Variants in CFAP52 observed in about 807,000 individuals in gnomAD.
CFAP52 encodes the protein cilia- and flagella-associated protein 52.
CFAP52 carries 57 observed loss-of-function variants against 70.5 expected under a neutral mutation model. The observed-to-expected ratio is 0.81, with a 90% CI of 0.65 to 1.01. CFAP52 has a LOEUF of 1.01. Among genes scored for constraint, CFAP52 ranks in the 50% least tolerant of loss-of-function variants. The pLI, the probability that CFAP52 is intolerant of heterozygous loss-of-function variation, is 0.00. For missense variants in CFAP52, 785 were observed against 788.5 expected, an observed-to-expected ratio of 1.00 and a Z score of 0.05; for synonymous variants, 267 against 292.5, an observed-to-expected ratio of 0.91 and a Z score of 0.89.
intron 3 of CFAP52, among the ~76,000 whole-genome samples, chr17:9,591,402 T>C (rs1473352246): frequency 1.3e-5 from 2 of 152,178 alleles, no homozygotes; most frequent in Non-Finnish European, 2.9e-5. Context: ...CATCATGGTA[T>C]TCATGTTGTA....
chr17:9,595,974 A>G (rs1226024020), intron 4 of CFAP52, among the ~76,000 whole-genome samples: 1 of 149,470 alleles, frequency 6.7e-6, no homozygotes, highest in African/African-American at 2.4e-5. Context: ...TAAAAAAACA[A>G]AAGAAAAACT....
At chr17:9,588,949 AAAAATT>A (rs1189109606) in intron 3 of CFAP52, among the ~76,000 whole-genome samples, 4 of 152,006 alleles carry the variant, frequency 2.6e-5, no homozygotes, top group Non-Finnish European at 5.9e-5. Context: ...CTAAAAACAC[AAAAATT>A]AGCCAGGCAT....
In CFAP52 at chr17:9,585,917, T is replaced by C; in HGVS notation, c.215T>C (p.Ile72Thr). The C allele has an allele frequency of 6.2e-7, 1 of 1,613,784 alleles. No homozygotes were observed. Among genetic ancestry groups the C allele is most frequent in the South Asian group, 1.1e-5 (1 of 91,072 alleles). Reference protein sequence around the residue: ...GHGNNVSCLAISRSGEYIASG... With the variant: ...GHGNNVSCLATSRSGEYIASG... ...GGCAACAACGTCTCCTGCTTGGCCA[T>C]CTCCAGGTCTGGAGAGTACATCGCC... The change falls in exon 2 of 14, where the codon ATC becomes ACC. Residue 72 changes from isoleucine to threonine, a missense_variant. Physicochemically the swap from Ile to Thr is moderately conservative, Grantham distance 89. Transcript: ENST00000352665.
intron 8 of CFAP52, 61 bp from the exon 9 acceptor site, chr17:9,628,611 C>A: frequency 6.3e-7 from 1 of 1,580,456 alleles, no homozygotes; most frequent in Non-Finnish European, 8.6e-7. Context: ...ATTTTGGTGT[C>A]AAATATGCAT....
intron 3 of CFAP52, 21 bp from the exon 4 acceptor site, chr17:9,594,172 T>C: frequency 1.9e-6 from 3 of 1,545,422 alleles, no homozygotes; most frequent in Non-Finnish European, 2.6e-6. Context: ...TTTTTTTTTT[T>C]GGTCCCTCTT....
Position 9,612,299 on chromosome 17 carries a change from C to A in CFAP52, c.855-10C>A. 6.2e-7 allele frequency: 1 copy of A among 1,612,670 alleles called. No individual in the cohort carries two copies. The highest frequency in any genetic ancestry group is 1.1e-5 in the South Asian group (1 of 90,944). On this transcript the variant is annotated splice_polypyrimidine_tract_variant and intron_variant, in intron 7 of 13. Transcript: ENST00000352665. ...GTGAATCTACTTTACTTTTGTGCTTCTCCCTAAAGGAAGATTCAGTTACAA... is the reference window on the plus strand; with the variant it reads ...GTGAATCTACTTTACTTTTGTGCTTATCCCTAAAGGAAGATTCAGTTACAA...
Position 9,600,092 on chromosome 17 carries a change from A to G in CFAP52, c.662A>G (p.Tyr221Cys), listed in dbSNP as rs1909199213. ...IGVDDDDSFFYLGTTTGDILK... is the reference protein window; with the variant it reads ...IGVDDDDSFFCLGTTTGDILK... The stretch of plus-strand genomic sequence containing the variant: ...GTGGATGATGATGATAGCTTTTTCT[A>G]CCTTGGCACCACGACTGGAGATATT... The change falls in exon 6 of 14, where the codon TAC (tyrosine) becomes TGC (cysteine). Residue 221 changes from tyrosine (Y) to cysteine (C), a missense_variant. Physicochemically the swap from Tyr to Cys is radical, Grantham distance 194. Coordinates refer to ENST00000352665, the MANE Select transcript of CFAP52 (RefSeq NM_145054.5). 3 of 1,613,626 alleles carry G rather than the reference A, an allele frequency of 1.9e-6. No individual in the cohort carries two copies. The highest frequency in any genetic ancestry group is 2.5e-6 in the Non-Finnish European group (3 of 1,179,782).
chr17:9,596,745 T>A (rs1423007626), intron 4 of CFAP52, among the ~76,000 whole-genome samples: 1 of 151,798 alleles, frequency 6.6e-6, no homozygotes, highest in East Asian at 1.9e-4. Context: ...GATGGAGTTT[T>A]GCTCTTGTTG....
intron 6 of CFAP52, among the ~76,000 whole-genome samples, chr17:9,601,629 G>C (rs1297165835): frequency 1.4e-4 from 21 of 152,140 alleles, no homozygotes; most frequent in Admixed American, 1.4e-3. Context: ...TCGTGAGCAA[G>C]ACCTAGAAAT....
At chr17:9,638,814 C>A in intron 12 of CFAP52, 103 bp downstream of exon 12, 1 of 1,085,702 alleles carries the variant, frequency 9.2e-7, no homozygotes, top group Non-Finnish European at 1.4e-6. Flanking sequence ...ACCTTGTTTC[C>A]AATGGTGGTC....
At chr17:9,628,486 G>A (rs755094177) in intron 8 of CFAP52, among the ~76,000 whole-genome samples, 186 bp from the exon 9 acceptor site, 4 of 152,006 alleles carry the variant, frequency 2.6e-5, no homozygotes, top group Admixed American at 1.3e-4. Flanking sequence ...CACCATGTTG[G>A]TCAGGCTGGT....
intron 3 of CFAP52, chr17:9,590,150 T>C: frequency 5.1e-6 from 1 of 195,294 alleles, no homozygotes; most frequent in African/African-American, 2.3e-5. Context: ...TGATCAATCT[T>C]CTTCGATCCA....
At chr17:9,631,057 A>C (rs1253338459) in intron 9 of CFAP52, among the ~76,000 whole-genome samples, 1 of 110,274 alleles carries the variant, frequency 9.1e-6, no homozygotes, top group East Asian at 3.8e-4. Flanking sequence ...AGAGAGAGAA[A>C]GAAAGAAAGA....
chr17:9,636,443 A>G (rs936526780), intron 11 of CFAP52, among the ~76,000 whole-genome samples: 3 of 152,128 alleles, frequency 2.0e-5, no homozygotes, highest in African/African-American at 7.2e-5. Flanking sequence ...ACTAACTTCA[A>G]ACTAACTAGA....
chr17:9,607,776 G>C (rs1029052115), intron 6 of CFAP52, among the ~76,000 whole-genome samples: 2 of 152,074 alleles, frequency 1.3e-5, no homozygotes, highest in Non-Finnish European at 2.9e-5. Context: ...TGGTTTTAGG[G>C]AGGAAGGATG....
At chr17:9,613,289 A>T (rs1909782732) in intron 8 of CFAP52, among the ~76,000 whole-genome samples, 1 of 151,338 alleles carries the variant, frequency 6.6e-6, no homozygotes. Flanking sequence ...AATAACTACC[A>T]GCAGTTTTGA....
chr17:9,585,641 C>A, intron 1 of CFAP52, 132 bp from the exon 2 acceptor site: 1 of 912,868 alleles, frequency 1.1e-6, no homozygotes, highest in East Asian at 2.4e-5. Flanking sequence ...CATTGCACCC[C>A]AGGCTGGGTG....
chr17:9,630,139 C>T (rs1275783302), intron 9 of CFAP52, among the ~76,000 whole-genome samples: 3 of 151,858 alleles, frequency 2.0e-5, no homozygotes, highest in African/African-American at 7.2e-5. Flanking sequence ...TATCTTCCCC[C>T]TTATCCTAGC....
At position 9,638,576 on chromosome 17, in the gene CFAP52, T is replaced by C. The variant is rs1252197490; in HGVS notation, c.1473-33T>C. 4 of 1,601,460 alleles carry C rather than the reference T, an allele frequency of 2.5e-6. No homozygotes were observed. In the South Asian group the frequency reaches 4.4e-5, roughly 18 times the overall value. On this transcript the variant is annotated intron_variant, in intron 11 of 13. Coordinates refer to ENST00000352665, the MANE Select transcript of CFAP52 (RefSeq NM_145054.5). Reference sequence around the variant, plus strand: ...AATAAATTTCCTAGGGAAGAGAAAGTCGACTTTCACAGCTTTTGAATCTAC... The same window carrying C: ...AATAAATTTCCTAGGGAAGAGAAAGCCGACTTTCACAGCTTTTGAATCTAC...
Sources: allele counts gnomAD v4.1 joint callset (sites outside exome capture counted in the v4.1 genomes callset), GRCh38; gene constraint gnomAD v4.1.1; transcripts MANE v1.5; gene names NCBI Gene and HGNC (gene_info 2026-07-23, HGNC 2026-07-21).